Variants in SPOCK3 observed in about 807,000 individuals in gnomAD.
The protein encoded by SPOCK3 is SPARC (osteonectin), cwcv and kazal like domains proteoglycan 3, also known as testican-3.
In SPOCK3, 30 loss-of-function variants were observed where a neutral mutation model predicts 56.6. That is an observed-to-expected ratio of 0.53 (90% CI 0.40 to 0.72). SPOCK3 has a LOEUF of 0.72. SPOCK3 is among the 30% of genes least tolerant of loss of function. The pLI, the probability that SPOCK3 is intolerant of heterozygous loss-of-function variation, is 0.00. For synonymous variants in SPOCK3, 196 were observed against 183.3 expected, an observed-to-expected ratio of 1.07 and a Z score of -0.56; for missense variants, 527 against 530.0, an observed-to-expected ratio of 0.99 and a Z score of 0.06.
chr4:166,745,285 A>G (rs571524596), intron 8 of SPOCK3, among the ~76,000 whole-genome samples: 246 of 152,312 alleles, frequency 1.6e-3, no homozygotes, highest in African/African-American at 5.7e-3. Flanking sequence ...CTAACAGCGG[A>G]TCTCTCAGCA....
At chr4:167,155,163 T>C (rs1428703433) in intron 2 of SPOCK3, among the ~76,000 whole-genome samples, 2 of 152,106 alleles carry the variant, frequency 1.3e-5, no homozygotes, top group African/African-American at 4.8e-5. Flanking sequence ...TGTTGAAGAC[T>C]AGAGTGCAGT....
chr4:166,766,166 G>T (rs1200391826), intron 7 of SPOCK3, among the ~76,000 whole-genome samples: 2 of 152,074 alleles, frequency 1.3e-5, no homozygotes, highest in Non-Finnish European at 2.9e-5. Flanking sequence ...TTTCCTAATT[G>T]AATACCCTTT....
In SPOCK3 at chr4:167,051,908, T is replaced by A. The variant is rs956007648; in HGVS notation, c.235+10584A>T. On this transcript the variant is annotated intron_variant, in intron 3 of 10. Transcript: ENST00000357545. Reference sequence around the variant, plus strand: ...CTTAAATCACTGAACACCTTCTAAATTAATTTGATTAACTTCCTGCTCTAT... The same window carrying A: ...CTTAAATCACTGAACACCTTCTAAAATAATTTGATTAACTTCCTGCTCTAT... Among the ~76,000 whole-genome samples the A allele has an allele frequency of 2.6e-5, 4 of 152,234 alleles. No individual in the cohort carries two copies. In the South Asian group the frequency reaches 8.3e-4, roughly 31 times the overall value.
At chr4:167,227,710 G>T (rs1736732477) in intron 2 of SPOCK3, among the ~76,000 whole-genome samples, 1 of 152,106 alleles carries the variant, frequency 6.6e-6, no homozygotes, top group African/African-American at 2.4e-5. Flanking sequence ...AGAAGTCAAA[G>T]ATCAGCCTTT....
intron 6 of SPOCK3, among the ~76,000 whole-genome samples, chr4:166,835,876 C>A (rs1746558885): frequency 2.0e-5 from 3 of 152,004 alleles, no homozygotes; most frequent in South Asian, 2.1e-4. Flanking sequence ...TGTGGTGGTG[C>A]ATGCCTGTAA....
At chr4:166,937,056 T>A (rs1237878260) in intron 4 of SPOCK3, among the ~76,000 whole-genome samples, 69 of 152,222 alleles carry the variant, frequency 4.5e-4, no homozygotes, top group Non-Finnish European at 8.2e-4. Context: ...TTAGCTGAAT[T>A]TCACTATGTG....
chr4:167,166,872 A>C (rs908806248), intron 2 of SPOCK3, among the ~76,000 whole-genome samples: 1 of 152,120 alleles, frequency 6.6e-6, no homozygotes, highest in Non-Finnish European at 1.5e-5. Flanking sequence ...AGTATTTCTC[A>C]AAGATTTTAG....
intron 2 of SPOCK3, among the ~76,000 whole-genome samples, chr4:167,113,541 C>T (rs1232262921): frequency 2.0e-5 from 3 of 151,980 alleles, no homozygotes; most frequent in Non-Finnish European, 4.4e-5. Context: ...CAGTCAGTGT[C>T]TGAGCAGATA....
chr4:166,890,490 A>G (rs1734658833), intron 5 of SPOCK3, among the ~76,000 whole-genome samples: 1 of 151,940 alleles, frequency 6.6e-6, no homozygotes, highest in African/African-American at 2.4e-5. Flanking sequence ...AAACAATCAA[A>G]AATACTATGA....
chr4:167,223,709 G>A (rs71620431), intron 2 of SPOCK3, among the ~76,000 whole-genome samples: 4,827 of 152,164 alleles, frequency 0.032, 115 homozygotes, highest in Middle Eastern at 0.075. Flanking sequence ...CAGCACTTGA[G>A]GAGGCCAAGG....
At chr4:167,207,985 T>G (rs2111005208) in intron 2 of SPOCK3, among the ~76,000 whole-genome samples, 1 of 152,296 alleles carries the variant, frequency 6.6e-6, no homozygotes, top group African/African-American at 2.4e-5. Flanking sequence ...GCCTGTTGTG[T>G]AAATGGCCTT....
chr4:167,036,143 T>C (rs1373611918), intron 3 of SPOCK3, among the ~76,000 whole-genome samples: 1 of 152,146 alleles, frequency 6.6e-6, no homozygotes, highest in Non-Finnish European at 1.5e-5. Context: ...AGTTACCCAT[T>C]GATAGAAGGA....
At chr4:166,846,567 T>G (rs1466641873) in intron 6 of SPOCK3, among the ~76,000 whole-genome samples, 1 of 152,138 alleles carries the variant, frequency 6.6e-6, no homozygotes, top group Non-Finnish European at 1.5e-5. Context: ...ACATCATTGG[T>G]CATACATTTT....
chr4:166,744,059 C>G (rs956179420), intron 8 of SPOCK3, among the ~76,000 whole-genome samples: 1 of 152,214 alleles, frequency 6.6e-6, no homozygotes, highest in Non-Finnish European at 1.5e-5. Context: ...GCAACAGAAA[C>G]TTCTGCAGAC....
intron 3 of SPOCK3, among the ~76,000 whole-genome samples, chr4:167,031,402 A>G (rs969830394): frequency 6.6e-6 from 1 of 152,016 alleles, no homozygotes; most frequent in Non-Finnish European, 1.5e-5. Context: ...CCGTTTTACT[A>G]AAATACTTTA....
At chr4:167,146,236 G>C (rs1214870615) in intron 2 of SPOCK3, among the ~76,000 whole-genome samples, 1 of 152,014 alleles carries the variant, frequency 6.6e-6, no homozygotes, top group Non-Finnish European at 1.5e-5. Context: ...AATGGTAAAG[G>C]GATCAACGCA....
At chr4:167,074,985 T>G (rs918719628) in intron 2 of SPOCK3, among the ~76,000 whole-genome samples, 3 of 151,918 alleles carry the variant, frequency 2.0e-5, no homozygotes, top group Non-Finnish European at 4.4e-5. Context: ...GCATGTATCA[T>G]TTTTGGTTTA....
chr4:167,191,001 C>T lies in SPOCK3; in HGVS notation c.189+42984G>A, dbSNP rs1338930106. The stretch of plus-strand genomic sequence containing the variant: ...CTAAGTGTCTGTTTTTATGCCAGAA[C>T]ATACTGTTTCGATTACTATAGCTTT... On this transcript the variant is annotated intron_variant, in intron 2 of 10. Transcript: ENST00000357545. 2.1e-5 allele frequency among the ~76,000 whole-genome samples: 3 copies of T among 145,620 alleles called. 1 individual carries two copies. Among genetic ancestry groups the T allele is most frequent in the Non-Finnish European group, 3.0e-5 (2 of 66,690 alleles).
At chr4:167,193,968 CTT>C (rs1166666843) in intron 2 of SPOCK3, among the ~76,000 whole-genome samples, 2 of 152,178 alleles carry the variant, frequency 1.3e-5, no homozygotes, top group Non-Finnish European at 2.9e-5. Context: ...TTCTCCCTCT[CTT>C]CTCGTTCTGA....
Sources: allele counts gnomAD v4.1 joint callset (sites outside exome capture counted in the v4.1 genomes callset), GRCh38; gene constraint gnomAD v4.1.1; transcripts MANE v1.5; gene names NCBI Gene and HGNC (gene_info 2026-07-23, HGNC 2026-07-21).